Variants in NTRK2 observed in about 807,000 individuals in gnomAD.
NTRK2 encodes the protein BDNF/NT-3 growth factors receptor.
NTRK2 carries 13 observed loss-of-function variants against 94.5 expected under a neutral mutation model. The ratio of observed to expected loss-of-function variants is 0.14; its 90% CI spans 0.09 to 0.22. The LOEUF (loss-of-function observed/expected upper bound fraction) is 0.22. NTRK2 is among the 10% of genes least tolerant of loss of function. The pLI is 1.00. For missense variants in NTRK2, 639 were observed against 1,071.2 expected (o/e 0.60, Z 5.63); for synonymous variants, 372 against 407.4 (o/e 0.91, Z 1.05).
rs200516383 is a variant in NTRK2, at chr9:84,670,470, C to G, written c.-279C>G. On this transcript the variant is annotated 5_prime_UTR_variant, in exon 2 of 19. Transcript: ENST00000277120. ...CGCCGCCGGTCGGTGCCCGGCGCGC[C>G]GGGCCATGCAGCGACGGCCGCCGCG... The G allele has an allele frequency of 2.0e-6, 1 of 501,968 alleles. No homozygotes were observed. Among genetic ancestry groups the G allele is most frequent in the African/African-American group, 1.9e-5 (1 of 51,826 alleles). 31.1% of individuals were successfully genotyped at this position (501,968 alleles called of 1,614,324 possible). A position where few individuals can be genotyped will look rare whatever the true frequency, so the allele number is the denominator to read the frequency against.
chr9:84,774,699 C>T (rs2066867136), intron 12 of NTRK2, among the ~76,000 whole-genome samples: 1 of 152,208 alleles, frequency 6.6e-6, no homozygotes, highest in Non-Finnish European at 1.5e-5. Context: ...CATTCTGCGT[C>T]AGCATATTAT....
chr9:84,749,729 A>C (rs1466348814), intron 11 of NTRK2, among the ~76,000 whole-genome samples: 1 of 152,242 alleles, frequency 6.6e-6, no homozygotes, highest in Non-Finnish European at 1.5e-5. Context: ...TCCATCTTAC[A>C]CATGAAGATT....
chr9:84,684,500 T>C (rs2059591597), intron 2 of NTRK2, among the ~76,000 whole-genome samples: 1 of 152,180 alleles, frequency 6.6e-6, no homozygotes, highest in Non-Finnish European at 1.5e-5. Flanking sequence ...GATCAGATGG[T>C]TGTAGATGTG....
chr9:85,018,617 G>C (rs2133589927), intron 17 of NTRK2, among the ~76,000 whole-genome samples: 1 of 152,348 alleles, frequency 6.6e-6, no homozygotes, highest in East Asian at 1.9e-4. Context: ...GGGGGTCACA[G>C]AGTTATAAAC....
chr9:84,838,308 A>T (rs943493778), intron 12 of NTRK2, among the ~76,000 whole-genome samples: 1 of 152,128 alleles, frequency 6.6e-6, no homozygotes, highest in Non-Finnish European at 1.5e-5. Context: ...TACAATAGCA[A>T]AAAAAAGGAA....
chr9:85,021,757 CT>C lies in NTRK2; in HGVS notation c.*321del. 1 of 430,776 alleles carries C rather than the reference CT, an allele frequency of 2.3e-6. No individual in the cohort carries two copies. Among genetic ancestry groups the C allele is most frequent in the Non-Finnish European group, 4.3e-6 (1 of 234,886 alleles). The allele number at this position is 430,776 out of a possible 1,614,324, so 26.7% of individuals were successfully genotyped here. On this transcript the variant is annotated 3_prime_UTR_variant, in exon 19 of 19. Coordinates refer to ENST00000277120, the MANE Select transcript of NTRK2 (RefSeq NM_006180.6). ...TTCTTACCCTTTCTTTTGAATCAAT[CT>C]GGCTTCTGCATTACTATTAACTCTG...
At chr9:84,768,934 A>T (rs2066279731) in intron 12 of NTRK2, among the ~76,000 whole-genome samples, 2 of 152,260 alleles carry the variant, frequency 1.3e-5, no homozygotes, top group South Asian at 2.1e-4. Context: ...ACAGTAGAGG[A>T]TGAGGAACCT....
At chr9:84,856,317 C>T (rs1161205154) in intron 12 of NTRK2, among the ~76,000 whole-genome samples, 1 of 152,112 alleles carries the variant, frequency 6.6e-6, no homozygotes, top group East Asian at 1.9e-4. Flanking sequence ...AGGATATGTC[C>T]TTAAGTAAAA....
intron 6 of NTRK2, among the ~76,000 whole-genome samples, chr9:84,713,886 G>GT (rs201627891): frequency 0.065 from 9,045 of 139,830 alleles, 744 homozygotes; most frequent in African/African-American, 0.2. Context: ...CTAGATGTGG[G>GT]TTTTTTTTTT....
At chr9:84,997,334 T>C (rs1490701640) in intron 17 of NTRK2, among the ~76,000 whole-genome samples, 1 of 151,976 alleles carries the variant, frequency 6.6e-6, no homozygotes, top group African/African-American at 2.4e-5. Context: ...CCCCTTGAAG[T>C]GGATGGGCCC....
At chr9:84,828,849 C>T (rs940451629) in intron 12 of NTRK2, among the ~76,000 whole-genome samples, 1 of 152,094 alleles carries the variant, frequency 6.6e-6, no homozygotes, top group Non-Finnish European at 1.5e-5. Context: ...GCAGTAGGCT[C>T]CTGGGGACTG....
rs1444546829 is a variant in NTRK2, at chr9:85,022,447, GA to G, written c.*1011del. The G allele has an allele frequency of 1.3e-5, 3 of 233,252 alleles. No homozygotes were observed. In the South Asian group the frequency reaches 5.4e-4, roughly 42 times the overall value. 14.4% of individuals were successfully genotyped at this position (233,252 alleles called of 1,614,324 possible). On this transcript the variant is annotated 3_prime_UTR_variant, in exon 19 of 19. Transcript: ENST00000277120. ...AACCTTTGTCAACTTCAGTTGAAAA[GA>G]GGTGGATTCATGTCCAGAGCTCATT...
At chr9:84,687,611 A>T (rs2059796936) in intron 2 of NTRK2, among the ~76,000 whole-genome samples, 1 of 152,224 alleles carries the variant, frequency 6.6e-6, no homozygotes, top group South Asian at 2.1e-4. Context: ...ACAGTTCAGA[A>T]GGCAATAGAT....
intron 4 of NTRK2, 136 bp downstream of exon 4, chr9:84,702,555 A>C: frequency 1.3e-6 from 1 of 785,190 alleles, no homozygotes; most frequent in Non-Finnish European, 2.2e-6. Context: ...GCTTAGAAAC[A>C]TTAGCTCTGA....
intron 14 of NTRK2, among the ~76,000 whole-genome samples, chr9:84,916,152 C>G (rs1181937654): frequency 1.3e-5 from 2 of 151,752 alleles, no homozygotes; most frequent in Non-Finnish European, 2.9e-5. Context: ...TGGATCATAG[C>G]AACAGAAGTA....
Position 84,894,990 on chromosome 9 carries a change from A to T in NTRK2, c.1633+27559A>T, listed in dbSNP as rs1197484522. Among the ~76,000 whole-genome samples the T allele has an allele frequency of 2.6e-5, 4 of 152,324 alleles. No homozygotes were observed. The East Asian group carries it at 7.7e-4, about 29-fold the overall frequency. ...CTTATCTAAGCAATAATGGAAAAAA[A>T]TATAACCCTTAGATAATAGGGCAAC... On this transcript the variant is annotated intron_variant, in intron 14 of 18. Coordinates refer to ENST00000277120, the MANE Select transcript of NTRK2 (RefSeq NM_006180.6).
intron 2 of NTRK2, among the ~76,000 whole-genome samples, chr9:84,674,119 G>GT (rs2131309327): frequency 9.8e-6 from 1 of 101,734 alleles, no homozygotes; most frequent in South Asian, 5.1e-4. Context: ...TTTAGCTGTG[G>GT]TAAAAAAAAA....
intron 17 of NTRK2, among the ~76,000 whole-genome samples, chr9:85,000,206 G>A (rs182930532): frequency 2.6e-5 from 4 of 152,184 alleles, no homozygotes; most frequent in East Asian, 3.9e-4. Context: ...GCACCAGAGC[G>A]GTGCATTTGT....
chr9:84,729,313 A>G (rs1274631665), intron 9 of NTRK2, among the ~76,000 whole-genome samples: 2 of 152,232 alleles, frequency 1.3e-5, no homozygotes, highest in Non-Finnish European at 2.9e-5. Context: ...GAGCACATAA[A>G]ACAAGCAATA....
Sources: allele counts gnomAD v4.1 joint callset (sites outside exome capture counted in the v4.1 genomes callset), GRCh38; gene constraint gnomAD v4.1.1; transcripts MANE v1.5; gene names NCBI Gene and HGNC (gene_info 2026-07-23, HGNC 2026-07-21).